MID1: variants seen among roughly 807,000 people sequenced by gnomAD.
The protein encoded by MID1 is E3 ubiquitin-protein ligase Midline-1.
MID1 carries 7 observed loss-of-function variants against 40.4 expected under a neutral mutation model. The observed-to-expected ratio is 0.17, with a 90% CI of 0.10 to 0.33. MID1 has a LOEUF of 0.33. MID1 is among the 10% of genes least tolerant of loss of function. The pLI is 1.00. For synonymous variants in MID1, 229 were observed against 221.2 expected, an observed-to-expected ratio of 1.04 and a Z score of -0.31; for missense variants, 367 against 558.5, an observed-to-expected ratio of 0.66 and a Z score of 3.46.
At chrX:10,730,747 AT>A (rs1215570565) in intron 1 of MID1, among the ~76,000 whole-genome samples, 2 of 107,132 alleles carry the variant, frequency 1.9e-5, no homozygotes, top group Non-Finnish European at 3.9e-5. Flanking sequence ...AATTTTTTGT[AT>A]TTTTTTTAGT....
intron 1 of MID1, among the ~76,000 whole-genome samples, chrX:10,688,477 A>G (rs750092780): frequency 8.9e-6 from 1 of 112,121 alleles, no homozygotes; most frequent in East Asian, 2.8e-4. Flanking sequence ...GTTCACAAAT[A>G]TAGCATCAAC....
chrX:10,778,981 G>T (rs1260668715), intron 1 of MID1, among the ~76,000 whole-genome samples: 1 of 112,926 alleles, frequency 8.9e-6, no homozygotes, highest in African/African-American at 3.2e-5. Flanking sequence ...AACCAAACGA[G>T]AGTAAAACAT....
At chrX:10,739,968 C>A (rs7052813) in intron 1 of MID1, among the ~76,000 whole-genome samples, 26 of 111,912 alleles carry the variant, frequency 2.3e-4, no homozygotes, top group Admixed American at 2.1e-3. Flanking sequence ...ATGCCCCAAG[C>A]GTAGGCATTG....
intron 5 of MID1, 141 bp from the exon 6 acceptor site, chrX:10,474,891 G>A (rs756172406): frequency 1.4e-5 from 8 of 561,368 alleles, no homozygotes; most frequent in Non-Finnish European, 2.4e-5. Flanking sequence ...ATCTCAAAAT[G>A]TCACAACACA....
chrX:10,510,578 A>G (rs761075566), intron 3 of MID1, among the ~76,000 whole-genome samples: 2 of 111,511 alleles, frequency 1.8e-5, no homozygotes, highest in South Asian at 7.6e-4. Context: ...CACGCCTGTA[A>G]TCCCAGCACT....
In MID1 at chrX:10,459,752, G is replaced by C. The variant is rs772124520; in HGVS notation, c.1341C>G (p.His447Gln). ...WMIVPNIKQN[H>Q]YTVHGLQSGT... ...CGCTCTGCAGACCGTGCACCGTGTA[G>C]TGGTTCTGCTTGATGTTGGGTACTA... The change falls in exon 8 of 10, where the codon CAC becomes CAG. Residue 447 changes from histidine to glutamine, a missense_variant. His to Gln is a conservative substitution (Grantham distance 24). This residue lies in a region of MID1 where 275 missense variants were observed against 383.1 expected (regional missense o/e 0.72). Coordinates refer to ENST00000317552, the MANE Select transcript of MID1 (RefSeq NM_000381.4). The C allele has an allele frequency of 8.3e-7, 1 of 1,210,929 alleles. No homozygotes were observed. Among genetic ancestry groups the C allele is most frequent in the Non-Finnish European group, 1.1e-6 (1 of 894,858 alleles).
At chrX:10,818,616 G>A (rs1258506123) in intron 1 of MID1, among the ~76,000 whole-genome samples, 4 of 111,899 alleles carry the variant, frequency 3.6e-5, no homozygotes, top group African/African-American at 1.3e-4. Flanking sequence ...CTTTTGGTGG[G>A]CACCCTCTCC....
At chrX:10,511,182 G>C (rs1337710532) in intron 3 of MID1, among the ~76,000 whole-genome samples, 1 of 106,075 alleles carries the variant, frequency 9.4e-6, no homozygotes, top group Non-Finnish European at 1.9e-5. Flanking sequence ...GGAGGTAGAG[G>C]TTGCAGTGAG....
intron 1 of MID1, among the ~76,000 whole-genome samples, chrX:10,735,073 C>T (rs1293279062): frequency 1.8e-5 from 2 of 111,901 alleles, no homozygotes; most frequent in Non-Finnish European, 3.8e-5. Context: ...CTATTTTCTA[C>T]CAAGAGTCGA....
At chrX:10,485,000 A>G (rs1930543654) in intron 4 of MID1, among the ~76,000 whole-genome samples, 1 of 111,779 alleles carries the variant, frequency 8.9e-6, no homozygotes, top group Non-Finnish European at 1.9e-5. Context: ...AAAAAAGAAA[A>G]ACACTGCTCT....
intron 1 of MID1, among the ~76,000 whole-genome samples, chrX:10,747,226 T>A (rs1277776621): frequency 8.9e-6 from 1 of 112,015 alleles, no homozygotes; most frequent in Non-Finnish European, 1.9e-5. Context: ...TCTGAGGCCA[T>A]CATAATAGTT....
At chrX:10,547,326 G>A (rs1208968861) in intron 2 of MID1, among the ~76,000 whole-genome samples, 1 of 110,691 alleles carries the variant, frequency 9.0e-6, no homozygotes, top group African/African-American at 3.3e-5. Context: ...TAATCCCAGC[G>A]CTTTGGGAGG....
intron 1 of MID1, among the ~76,000 whole-genome samples, chrX:10,813,641 A>C (rs1338444647): frequency 9.0e-6 from 1 of 111,347 alleles, no homozygotes; most frequent in African/African-American, 3.3e-5. Context: ...AGAGTATACA[A>C]GCAGAACAAC....
chrX:10,659,918 C>T (rs2042899739), intron 1 of MID1, among the ~76,000 whole-genome samples: 1 of 112,053 alleles, frequency 8.9e-6, no homozygotes, highest in Non-Finnish European at 1.9e-5. Context: ...ATAAAAGGGC[C>T]ATTTATTACA....
chrX:10,489,333 C>G (rs182027748), intron 4 of MID1, among the ~76,000 whole-genome samples: 12 of 112,146 alleles, frequency 1.1e-4, no homozygotes, highest in African/African-American at 3.6e-4. Context: ...ATCTCCTCCA[C>G]GTTTTCTTCT....
At chrX:10,489,270 A>T (rs976176593) in intron 4 of MID1, among the ~76,000 whole-genome samples, 1 of 112,208 alleles carries the variant, frequency 8.9e-6, no homozygotes, top group Admixed American at 9.4e-5. Context: ...TCTTTTATGG[A>T]TAATGCTTTT....
intron 1 of MID1, among the ~76,000 whole-genome samples, chrX:10,795,952 T>A (rs969561727): frequency 8.9e-6 from 1 of 111,840 alleles, no homozygotes; most frequent in Non-Finnish European, 1.9e-5. Context: ...AAACTTCTTA[T>A]CTGCCTTTAC....
intron 9 of MID1, among the ~76,000 whole-genome samples, chrX:10,451,717 G>A (rs1002958707): frequency 2.7e-5 from 3 of 111,215 alleles, no homozygotes. Context: ...GTTTTAAAAC[G>A]GGGGAGTTTC....
At chrX:10,628,821 A>T (rs1936022202) in intron 1 of MID1, among the ~76,000 whole-genome samples, 1 of 112,159 alleles carries the variant, frequency 8.9e-6, no homozygotes, top group African/African-American at 3.2e-5. Flanking sequence ...AAAGGCAGGC[A>T]ATTGAAAAAC....
Sources: gnomAD v4.1 joint callset for allele counts (sites outside exome capture counted in the v4.1 genomes callset) on GRCh38, gnomAD v4.1.1 for gene constraint, gnomAD v4.1.1 regional missense constraint, MANE v1.5 for transcripts, NCBI Gene and HGNC (gene_info 2026-07-23, HGNC 2026-07-21) for gene names.